The following DOCK4 variants were observed in gnomAD, a reference collection of about 807,000 sequenced individuals.
The protein encoded by DOCK4 is dedicator of cytokinesis 4, also known as dedicator of cytokinesis protein 4.
Under a neutral mutation model 268.1 loss-of-function variants are expected in DOCK4, and 97 were observed. That is an observed-to-expected ratio of 0.36 (90% confidence interval 0.31 to 0.43). The LOEUF is 0.43. DOCK4 is among the 20% of genes least tolerant of loss of function. DOCK4 has a pLI of 1.00. For synonymous variants in DOCK4, 954 were observed against 887.2 expected (o/e 1.08, Z -1.34); for missense variants, 2,145 against 2,455.7 (o/e 0.87, Z 2.67).
chr7:112,184,568 T>C (rs914844721), intron 1 of DOCK4, among the ~76,000 whole-genome samples: 1 of 152,126 alleles, frequency 6.6e-6, no homozygotes, highest in Non-Finnish European at 1.5e-5. Flanking sequence ...ACTAACCTCC[T>C]TTTGACTGCT....
At chr7:112,030,574 C>T (rs896594378) in intron 1 of DOCK4, among the ~76,000 whole-genome samples, 1 of 152,212 alleles carries the variant, frequency 6.6e-6, no homozygotes, top group African/African-American at 2.4e-5. Context: ...ACACATTCTA[C>T]ACCCTCTCAT....
chr7:111,793,201 G>T (rs1245836328), intron 30 of DOCK4, among the ~76,000 whole-genome samples: 1 of 152,130 alleles, frequency 6.6e-6, no homozygotes, highest in Admixed American at 6.5e-5. Flanking sequence ...ACCTGTTACT[G>T]CACACAGCTA....
chr7:111,851,063 CA>C (rs1804506407), intron 23 of DOCK4, among the ~76,000 whole-genome samples: 1 of 152,098 alleles, frequency 6.6e-6, no homozygotes, highest in Non-Finnish European at 1.5e-5. Flanking sequence ...AAAACAAAAA[CA>C]AAAACCCTCT....
At chr7:112,108,032 T>C (rs1299322985) in intron 1 of DOCK4, among the ~76,000 whole-genome samples, 2 of 152,346 alleles carry the variant, frequency 1.3e-5, no homozygotes, top group South Asian at 2.1e-4. Flanking sequence ...CAGTACCTTA[T>C]AGAGAGCAAT....
At chr7:112,202,715 A>T (rs1204514647) in intron 1 of DOCK4, among the ~76,000 whole-genome samples, 1 of 151,926 alleles carries the variant, frequency 6.6e-6, no homozygotes, top group African/African-American at 2.4e-5. Context: ...GCCTATGAAT[A>T]GCCACTGCAC....
intron 3 of DOCK4, among the ~76,000 whole-genome samples, chr7:111,999,150 C>T (rs1361468854): frequency 6.6e-6 from 1 of 151,742 alleles, no homozygotes; most frequent in East Asian, 1.9e-4. Context: ...AAAGAAACAA[C>T]AACAAAAAAA....
intron 1 of DOCK4, among the ~76,000 whole-genome samples, chr7:112,195,109 T>A (rs985158601): frequency 1.3e-5 from 2 of 152,082 alleles, no homozygotes; most frequent in African/African-American, 4.8e-5. Flanking sequence ...TGAAACCCCA[T>A]CTCTACTAAA....
intron 1 of DOCK4, among the ~76,000 whole-genome samples, chr7:112,047,300 T>TA (rs1314340351): frequency 6.6e-6 from 1 of 152,202 alleles, no homozygotes; most frequent in African/African-American, 2.4e-5. Flanking sequence ...AAATATTCGC[T>TA]ACCTAAACTG....
intron 37 of DOCK4, among the ~76,000 whole-genome samples, chr7:111,767,710 C>T (rs1214917436): frequency 6.6e-6 from 1 of 152,026 alleles, no homozygotes; most frequent in East Asian, 1.9e-4. Context: ...ACTACAGTTC[C>T]ACAATGGCCG....
chr7:112,022,464 C>G (rs1802408000), intron 1 of DOCK4, among the ~76,000 whole-genome samples: 1 of 151,222 alleles, frequency 6.6e-6, no homozygotes, highest in African/African-American at 2.5e-5. Context: ...GGGAAGCAGG[C>G]ACAGAGTAGC....
chr7:111,892,547 G>A (rs371523645), intron 16 of DOCK4, among the ~76,000 whole-genome samples: 1 of 152,182 alleles, frequency 6.6e-6, no homozygotes, highest in African/African-American at 2.4e-5. Context: ...TTCGCAATAA[G>A]AGGAAGGTAG....
At chr7:111,886,640 C>T (rs1260421874) in intron 16 of DOCK4, among the ~76,000 whole-genome samples, 1 of 152,084 alleles carries the variant, frequency 6.6e-6, no homozygotes, top group Non-Finnish European at 1.5e-5. Context: ...AAACAATACA[C>T]TTAAAGGCAC....
At chr7:111,901,856 A>C in intron 13 of DOCK4, 55 bp from the exon 14 acceptor site, 1 of 1,361,176 alleles carries the variant, frequency 7.3e-7, no homozygotes, top group South Asian at 1.3e-5. Flanking sequence ...AAATGTAATA[A>C]AGTGCTCTAT....
At chr7:112,092,381 T>C (rs140118511) in intron 1 of DOCK4, among the ~76,000 whole-genome samples, 1 of 152,290 alleles carries the variant, frequency 6.6e-6, no homozygotes, top group East Asian at 1.9e-4. Flanking sequence ...TGAAATATTT[T>C]TACCAATACT....
intron 1 of DOCK4, among the ~76,000 whole-genome samples, chr7:112,026,667 A>G (rs1370679846): frequency 6.6e-6 from 1 of 152,256 alleles, no homozygotes; most frequent in African/African-American, 2.4e-5. Flanking sequence ...AGTTTTATGG[A>G]AAGATAACTA....
intron 1 of DOCK4, among the ~76,000 whole-genome samples, chr7:112,025,177 C>T (rs960451357): frequency 2.0e-5 from 3 of 151,640 alleles, no homozygotes; most frequent in Admixed American, 6.6e-5. Flanking sequence ...TACCATACGC[C>T]GGCACCATGC....
At chr7:111,950,395 G>A (rs1207128902) in intron 8 of DOCK4, among the ~76,000 whole-genome samples, 2 of 152,212 alleles carry the variant, frequency 1.3e-5, no homozygotes, top group Non-Finnish European at 2.9e-5. Flanking sequence ...CTTAAAAAAT[G>A]TCCTTCCAAG....
intron 16 of DOCK4, among the ~76,000 whole-genome samples, chr7:111,891,828 T>C (rs1718597173): frequency 1.3e-5 from 2 of 152,236 alleles, no homozygotes; most frequent in Non-Finnish European, 2.9e-5. Flanking sequence ...TCTTTACTTA[T>C]TCATGCTTTT....
intron 1 of DOCK4, among the ~76,000 whole-genome samples, chr7:112,115,875 T>C (rs992051269): frequency 6.6e-6 from 1 of 152,182 alleles, no homozygotes; most frequent in Admixed American, 6.5e-5. Flanking sequence ...AGAAAGAGTC[T>C]AGCTATATTG....
Sources: allele counts gnomAD v4.1 joint callset (sites outside exome capture counted in the v4.1 genomes callset), GRCh38; gene constraint gnomAD v4.1.1; transcripts MANE v1.5; gene names NCBI Gene and HGNC (gene_info 2026-07-23, HGNC 2026-07-21).